The following TMEM117 variants were observed in gnomAD, a reference collection of about 807,000 sequenced individuals.
TMEM117 encodes the protein transmembrane protein 117.
TMEM117 carries 27 observed loss-of-function variants against 52.4 expected under a neutral mutation model. The observed-to-expected ratio is 0.51, with a 90% CI of 0.38 to 0.71. The LOEUF (loss-of-function observed/expected upper bound fraction) is 0.71. Among genes scored for constraint, TMEM117 ranks in the 30% least tolerant of loss-of-function variants. The probability of loss-of-function intolerance (pLI) is 0.00; values close to 1 mark genes in which losing one functional copy is unlikely to be tolerated. For missense variants in TMEM117, 556 were observed against 630.5 expected (o/e 0.88, Z 1.26); for synonymous variants, 215 against 206.3 (o/e 1.04, Z -0.36).
chr12:44,064,335 A>G (rs1406755948), intron 3 of TMEM117, among the ~76,000 whole-genome samples: 2 of 152,188 alleles, frequency 1.3e-5, no homozygotes, highest in Non-Finnish European at 2.9e-5. Flanking sequence ...TGCAATATGT[A>G]TATATGTATT....
chr12:43,836,136 A>C lies in TMEM117; in HGVS notation c.-89A>C, dbSNP rs916295599. The C allele has an allele frequency of 1.3e-5, 2 of 151,918 alleles. No homozygotes were observed. Among genetic ancestry groups the C allele is most frequent in the Admixed American group, 1.3e-4 (2 of 15,258 alleles). 9.4% of individuals were successfully genotyped at this position (151,918 alleles called of 1,614,324 possible). The stretch of plus-strand genomic sequence containing the variant: ...TCCCAGCGAGGCCGCCGGCGCGCCG[A>C]GGGCTGTGCTCGACCGCGAATCCCG... On this transcript the variant is annotated 5_prime_UTR_variant, in exon 1 of 8. Coordinates refer to ENST00000266534, the MANE Select transcript of TMEM117 (RefSeq NM_032256.3).
At chr12:44,256,972 G>A (rs182408078) in intron 5 of TMEM117, among the ~76,000 whole-genome samples, 149 of 151,212 alleles carry the variant, frequency 9.9e-4, no homozygotes, top group African/African-American at 3.5e-3. Context: ...CTGTGACTGG[G>A]TCCCTGCTGA....
chr12:44,145,192 A>C (rs1014061830), intron 4 of TMEM117, among the ~76,000 whole-genome samples: 1 of 152,152 alleles, frequency 6.6e-6, no homozygotes, highest in Non-Finnish European at 1.5e-5. Flanking sequence ...TCTTTTTTCC[A>C]TTGGAAAAAG....
intron 2 of TMEM117, among the ~76,000 whole-genome samples, chr12:43,900,258 G>A (rs1259261752): frequency 6.6e-6 from 1 of 152,148 alleles, no homozygotes; most frequent in Non-Finnish European, 1.5e-5. Flanking sequence ...GATCTGCTGG[G>A]ACAGTGTTCT....
Position 44,325,765 on chromosome 12 carries a change from T to C in TMEM117, c.768+26026T>C, listed in dbSNP as rs983610711. ...CCTGATATGTGTGTGTTTATGTCTG[T>C]ATGTGGTGTGGAGTGGGTGTGTCCA... On this transcript the variant is annotated intron_variant, in intron 6 of 7. Transcript: ENST00000266534. 8.5e-5 allele frequency among the ~76,000 whole-genome samples: 13 copies of C among 152,322 alleles called. 1 individual carries two copies. The South Asian group carries it at 2.5e-3, about 29-fold the overall frequency.
At chr12:43,810,140 A>G in the TMEM117 span, among the ~76,000 whole-genome samples, 4 of 152,258 alleles carry the variant, frequency 2.6e-5, no homozygotes, top group African/African-American at 9.6e-5. Context: ...AGTGCAGGAA[A>G]GCACAAAGCA....
chr12:44,034,949 G>A (rs957244168), intron 3 of TMEM117, among the ~76,000 whole-genome samples: 25 of 152,144 alleles, frequency 1.6e-4, no homozygotes, highest in African/African-American at 6.0e-4. Flanking sequence ...GAGAAAGGAG[G>A]AATTTGCCCC....
In TMEM117 at chr12:44,055,782, A is replaced by T. The variant is rs186382033; in HGVS notation, c.411-87743A>T. Among the ~76,000 whole-genome samples the T allele has an allele frequency of 6.5e-3, 996 of 152,262 alleles. 17 individuals carry two copies. The highest frequency in any genetic ancestry group is 0.028 in the Admixed American group (431 of 15,276). ...ATATACACAGTCTCTTTAAGTAAAA[A>T]TTTTACCCTATACGTCTTGCACCTA... On this transcript the variant is annotated intron_variant, in intron 3 of 7. Transcript: ENST00000266534.
chr12:43,938,323 C>G (rs1445920486), intron 2 of TMEM117, among the ~76,000 whole-genome samples: 1 of 150,526 alleles, frequency 6.6e-6, no homozygotes, highest in Non-Finnish European at 1.5e-5. Flanking sequence ...TTAAATTGCT[C>G]TTCATAACTC....
At chr12:44,370,630 A>G (rs1053186099) in intron 6 of TMEM117, among the ~76,000 whole-genome samples, 3 of 146,808 alleles carry the variant, frequency 2.0e-5, no homozygotes, top group Non-Finnish European at 4.5e-5. Context: ...TGATTCTTCT[A>G]CCTCCGCCTC....
At chr12:44,096,561 A>G (rs1415793952) in intron 3 of TMEM117, among the ~76,000 whole-genome samples, 1 of 151,736 alleles carries the variant, frequency 6.6e-6, no homozygotes, top group African/African-American at 2.4e-5. Flanking sequence ...ATAATGCCGC[A>G]TATCTACAAC....
chr12:44,190,870 G>T (rs1949342562), intron 4 of TMEM117, among the ~76,000 whole-genome samples: 3 of 148,448 alleles, frequency 2.0e-5, no homozygotes, highest in Non-Finnish European at 4.5e-5. Context: ...TATATAGAGA[G>T]AGATACATAC....
intron 6 of TMEM117, among the ~76,000 whole-genome samples, chr12:44,331,304 A>G (rs1951268135): frequency 6.6e-6 from 1 of 152,116 alleles, no homozygotes. Context: ...ACTACACTAC[A>G]AAGTAAATAA....
At chr12:44,014,840 C>T (rs568627470) in intron 3 of TMEM117, among the ~76,000 whole-genome samples, 7 of 151,878 alleles carry the variant, frequency 4.6e-5, no homozygotes, top group Admixed American at 1.3e-4. Flanking sequence ...TTTGTTGTAC[C>T]GTTTTTTTTC....
At chr12:43,910,598 G>T (rs1446389883) in intron 2 of TMEM117, among the ~76,000 whole-genome samples, 1 of 151,766 alleles carries the variant, frequency 6.6e-6, no homozygotes, top group Non-Finnish European at 1.5e-5. Flanking sequence ...AGAAAACCCC[G>T]TTGTCTCAGC....
At chr12:44,183,080 G>A (rs1469896219) in intron 4 of TMEM117, among the ~76,000 whole-genome samples, 1 of 151,874 alleles carries the variant, frequency 6.6e-6, no homozygotes, top group Non-Finnish European at 1.5e-5. Context: ...AATCATTTTG[G>A]ATTTAGAAAA....
chr12:44,304,472 T>C (rs1261707620), intron 6 of TMEM117, among the ~76,000 whole-genome samples: 1 of 152,168 alleles, frequency 6.6e-6, no homozygotes, highest in African/African-American at 2.4e-5. Flanking sequence ...TCATGCGACC[T>C]AGTGAGACAC....
intron 2 of TMEM117, among the ~76,000 whole-genome samples, chr12:43,928,474 C>T (rs1220557710): frequency 2.6e-5 from 4 of 151,616 alleles, no homozygotes; most frequent in Non-Finnish European, 5.9e-5. Context: ...TTGTTTTTTT[C>T]ATTTTTAAAA....
intron 2 of TMEM117, among the ~76,000 whole-genome samples, chr12:43,899,943 AC>A (rs1480263360): frequency 6.6e-6 from 1 of 152,218 alleles, no homozygotes; most frequent in Non-Finnish European, 1.5e-5. Context: ...CATGTGTATT[AC>A]TATGAAGTGG....
Sources: gnomAD v4.1 joint callset for allele counts (sites outside exome capture counted in the v4.1 genomes callset) on GRCh38, gnomAD v4.1.1 for gene constraint, MANE v1.5 for transcripts, NCBI Gene and HGNC (gene_info 2026-07-23, HGNC 2026-07-21) for gene names.